The following NRDE2 variants were observed in gnomAD, a reference collection of about 807,000 sequenced individuals.
NRDE2 encodes the protein NRDE-2, necessary for RNA interference, domain containing.
A neutral mutation model predicts 124.2 loss-of-function variants in NRDE2; 76 were observed. The ratio of observed to expected loss-of-function variants is 0.61; its 90% CI spans 0.51 to 0.74. The LOEUF is 0.74. Among genes scored for constraint, NRDE2 ranks in the 30% least tolerant of loss-of-function variants. The pLI is 0.00. For missense variants in NRDE2, 1,314 were observed against 1,417.3 expected (o/e 0.93, Z 1.17); for synonymous variants, 489 against 528.1 (o/e 0.93, Z 1.01).
intron 11 of NRDE2, among the ~76,000 whole-genome samples, 173 bp downstream of exon 11, chr14:90,288,044 G>C (rs374281493): frequency 1.7e-4 from 26 of 152,342 alleles, no homozygotes; most frequent in East Asian, 3.9e-4. Flanking sequence ...GCTACTTTGT[G>C]TCTCGCTTGC....
At chr14:90,290,689 C>T in intron 9 of NRDE2, 82 bp from the exon 10 acceptor site, 3 of 1,383,878 alleles carry the variant, frequency 2.2e-6, no homozygotes, top group East Asian at 4.7e-5. Context: ...TATGCATGTA[C>T]TAATGGTTCA....
At chr14:90,310,372 G>A (rs964001578) in intron 4 of NRDE2, among the ~76,000 whole-genome samples, 3 of 152,126 alleles carry the variant, frequency 2.0e-5, no homozygotes, top group Non-Finnish European at 2.9e-5. Context: ...ACCTCTCTGC[G>A]ATTCCTTTTC....
intron 8 of NRDE2, among the ~76,000 whole-genome samples, chr14:90,293,542 G>A (rs1310292077): frequency 1.3e-5 from 2 of 152,192 alleles, no homozygotes; most frequent in Non-Finnish European, 2.9e-5. Flanking sequence ...GAGTCACCAG[G>A]CCTGGCCTGA....
rs1891759872 is a variant in NRDE2 at position 90,274,803 on chromosome 14, C to T, written c.*3533G>A. On this transcript the variant is annotated 3_prime_UTR_variant, in exon 14 of 14. Transcript: ENST00000354366. ...ATAGGGAACTACACACACACACACA[C>T]ACACACACACACACACACACACACA... 1.5e-5 allele frequency: 1 copy of T among 66,414 alleles called. No individual in the cohort carries two copies. The highest frequency in any genetic ancestry group is 7.2e-5 in the African/African-American group (1 of 13,974). 4.1% of individuals were successfully genotyped at this position (66,414 alleles called of 1,614,324 possible).
rs148662803 is a variant in NRDE2 at position 90,330,639 on chromosome 14, C to G, written c.64+1202G>C. On this transcript the variant is annotated intron_variant, in intron 1 of 13. Transcript: ENST00000354366. ...CAGCCTGGTCAACACAGTGAGACCT[C>G]GTCTCTACTAAATATTAAAAAAAAT... 1.1e-4 allele frequency among the ~76,000 whole-genome samples: 17 copies of G among 152,052 alleles called. No individual in the cohort carries two copies. In the East Asian group the frequency reaches 2.7e-3, roughly 24 times the overall value.
Position 90,289,159 on chromosome 14 carries a change from G to T in NRDE2, c.2230-14C>A. 1 of 1,578,894 alleles carries T rather than the reference G, an allele frequency of 6.3e-7. No homozygotes were observed. Among genetic ancestry groups the T allele is most frequent in the Non-Finnish European group, 8.6e-7 (1 of 1,156,930 alleles). On this transcript the variant is annotated splice_polypyrimidine_tract_variant and intron_variant, in intron 10 of 13. Transcript: ENST00000354366. Reference sequence around the variant, plus strand: ...GCACCAAATGACCTACAGGGAAAAAGAGAAGAATGACTGCAGGTGCTCTGT... The same window carrying T: ...GCACCAAATGACCTACAGGGAAAAATAGAAGAATGACTGCAGGTGCTCTGT...
chr14:90,327,588 T>G (rs997469038), intron 1 of NRDE2, among the ~76,000 whole-genome samples: 4 of 150,568 alleles, frequency 2.7e-5, no homozygotes, highest in Non-Finnish European at 5.9e-5. Context: ...TGCAATGGAT[T>G]GAAATATAAA....
Position 90,288,945 on chromosome 14 carries a change from TG to T in NRDE2, c.2429del (p.Ala810GlufsTer6), listed in dbSNP as rs1179867073. 6.2e-7 allele frequency: 1 copy of T among 1,612,106 alleles called. No individual in the cohort carries two copies. The highest frequency in any genetic ancestry group is 8.5e-7 in the Non-Finnish European group (1 of 1,178,336). On this transcript the variant is annotated frameshift_variant, in exon 11 of 14. Transcript: ENST00000354366. LOFTEE classifies it high-confidence loss of function. Reference protein sequence around the residue: ...RKVFDTALGMAGSRELKDSDL... With the variant: ...RKVFDTALGMXGSRELKDSDL... Reference sequence around the variant, plus strand: ...CAGAGTCTTTCAGTTCTCTGCTTCCTGCCATGCCAAGTGCTGTGTCAAAAAC... The same window carrying T: ...CAGAGTCTTTCAGTTCTCTGCTTCCTCCATGCCAAGTGCTGTGTCAAAAAC...
chr14:90,298,272 C>T lies in NRDE2; in HGVS notation c.1654G>A (p.Val552Ile). 6.2e-7 allele frequency: 1 copy of T among 1,613,608 alleles called. No homozygotes were observed. Residue 552 changes from valine (V) to isoleucine (I), a missense_variant, in exon 8 of 14, where the codon GTC becomes ATC. Coordinates refer to ENST00000354366, the MANE Select transcript of NRDE2 (RefSeq NM_017970.4). The stretch of plus-strand genomic sequence containing the variant: ...AGAGGTGACTTACCTGGGTTGATGA[C>T]CACCCAGCCACCTCGTTCCTGCTGG... ...MHQQERGGWV[V>I]INPDEDDDEP... is the part of the protein sequence containing the mutation.
Position 90,269,671 on chromosome 14 carries a change from A to C in NRDE2, c.*8665T>G, listed in dbSNP as rs1891611519. ...AAATACTGCAGTGAAACTTAGGATA[A>C]TTTACAAAAAAATAGGTCCTCTTGA... On this transcript the variant is annotated 3_prime_UTR_variant, in exon 14 of 14. Transcript: ENST00000354366. 8 of 1,131,524 alleles carry C rather than the reference A, an allele frequency of 7.1e-6. No homozygotes were observed. The South Asian group carries it at 1.3e-4, about 18-fold the overall frequency. The allele number at this position is 1,131,524 out of a possible 1,614,324, so 70.1% of individuals were successfully genotyped here.
chr14:90,291,279 T>C lies in NRDE2; in HGVS notation c.1843-672A>G, dbSNP rs117715465. On this transcript the variant is annotated intron_variant, in intron 9 of 13. Transcript: ENST00000354366. ...TGGTGCTGCTTATCTGATTGGTCTT[T>C]GTGGCTCTCAGCAAAGCGGAAATCA... Among the ~76,000 whole-genome samples the C allele has an allele frequency of 6.4e-4, 97 of 152,324 alleles. No individual in the cohort carries two copies. The East Asian group carries it at 0.017, about 27-fold the overall frequency.
chr14:90,301,709 C>T, intron 6 of NRDE2: 2 of 455,390 alleles, frequency 4.4e-6, no homozygotes, highest in South Asian at 1.6e-5. Context: ...AAAAGGATGG[C>T]GTAGCAGATT....
rs2139650104 is a variant in NRDE2, at chr14:90,268,491, A to G, written c.*9845T>C. 7.2e-7 allele frequency: 1 copy of G among 1,396,072 alleles called. No individual in the cohort carries two copies. The highest frequency in any genetic ancestry group is 1.0e-6 in the Non-Finnish European group (1 of 1,000,046). 86.5% of individuals were successfully genotyped at this position (1,396,072 alleles called of 1,614,324 possible). ...TCTTCTCTTGAGAATGAGCAATCTC[A>G]GGGGGCTCTCCCTATGGCCACAGTT... On this transcript the variant is annotated 3_prime_UTR_variant, in exon 14 of 14. Transcript: ENST00000354366.
At chr14:90,326,684 G>A (rs771418427) in intron 1 of NRDE2, among the ~76,000 whole-genome samples, 7 of 152,024 alleles carry the variant, frequency 4.6e-5, no homozygotes, top group Non-Finnish European at 7.4e-5. Flanking sequence ...CAATCTCAAC[G>A]TTAGGCTAAG....
chr14:90,297,453 T>G (rs538557445), intron 8 of NRDE2, among the ~76,000 whole-genome samples: 28 of 152,340 alleles, frequency 1.8e-4, no homozygotes, highest in African/African-American at 6.7e-4. Flanking sequence ...AGGCTCACAT[T>G]ATATTTCTAT....
At chr14:90,297,990 T>C (rs1250575707) in intron 8 of NRDE2, among the ~76,000 whole-genome samples, 1 of 150,680 alleles carries the variant, frequency 6.6e-6, no homozygotes, top group African/African-American at 2.4e-5. Context: ...ATTAACAAGA[T>C]TCCTTCTTCA....
chr14:90,330,188 C>G (rs1279353227), intron 1 of NRDE2, among the ~76,000 whole-genome samples: 1 of 95,926 alleles, frequency 1.0e-5, no homozygotes, highest in East Asian at 3.1e-4. Context: ...GCTTGGGCGA[C>G]AGAGCAAGAC....
intron 12 of NRDE2, 38 bp from the exon 13 acceptor site, chr14:90,279,171 GAC>G (rs1891886233): frequency 6.7e-7 from 1 of 1,493,008 alleles, no homozygotes; most frequent in East Asian, 2.3e-5. Flanking sequence ...ATGATTAGTT[GAC>G]ACAGAGAGGC....
intron 11 of NRDE2, 128 bp from the exon 12 acceptor site, chr14:90,286,620 C>A: frequency 8.3e-7 from 1 of 1,199,590 alleles, no homozygotes. Flanking sequence ...GAGAACTGTC[C>A]CTCAGGCGTA....
Sources: gnomAD v4.1 joint callset for allele counts (sites outside exome capture counted in the v4.1 genomes callset) on GRCh38, gnomAD v4.1.1 for gene constraint, MANE v1.5 for transcripts, NCBI Gene and HGNC (gene_info 2026-07-23, HGNC 2026-07-21) for gene names.